The following C19orf47 variants were observed in gnomAD, a reference collection of about 807,000 sequenced individuals.
The protein encoded by C19orf47 is uncharacterized protein C19orf47.
C19orf47 carries 18 observed loss-of-function variants against 32.3 expected under a neutral mutation model. The ratio of observed to expected loss-of-function variants is 0.56; its 90% CI spans 0.39 to 0.83. C19orf47 has a LOEUF of 0.83. Ranked by LOEUF, C19orf47 falls within the 40% of genes least tolerant of loss-of-function variation. C19orf47 has a pLI of 0.00. For missense variants in C19orf47, 484 were observed against 531.6 expected, an observed-to-expected ratio of 0.91 and a Z score of 0.88; for synonymous variants, 202 against 211.1, an observed-to-expected ratio of 0.96 and a Z score of 0.37.
the C19orf47 span, among the ~76,000 whole-genome samples, chr19:40,297,041 A>G: frequency 6.6e-6 from 1 of 152,208 alleles, no homozygotes; most frequent in East Asian, 1.9e-4. Context: ...GTATGCCTAA[A>G]ACTGCTAGAA....
At chr19:40,313,243 T>A in the C19orf47 span, among the ~76,000 whole-genome samples, 1 of 152,250 alleles carries the variant, frequency 6.6e-6, no homozygotes, top group Non-Finnish European at 1.5e-5. Context: ...TTATTTCATA[T>A]CCTTTTAAGG....
At chr19:40,340,176 T>C (rs184365570) in intron 2 of C19orf47, among the ~76,000 whole-genome samples, 7 of 151,778 alleles carry the variant, frequency 4.6e-5, no homozygotes, top group Admixed American at 6.6e-5. Context: ...GGAACTATAA[T>C]GTACATGCAA....
chr19:40,297,969 G>A, the C19orf47 span, among the ~76,000 whole-genome samples: 1 of 151,626 alleles, frequency 6.6e-6, no homozygotes, highest in East Asian at 1.9e-4. Flanking sequence ...TGAACCCAGA[G>A]GCAGAGGCTG....
chr19:40,305,177 T>C, the C19orf47 span, among the ~76,000 whole-genome samples: 1 of 152,042 alleles, frequency 6.6e-6, no homozygotes, highest in South Asian at 2.1e-4. Context: ...ATCCCATTTC[T>C]ACCAAAAATA....
chr19:40,306,151 CAA>C, the C19orf47 span, among the ~76,000 whole-genome samples: 5 of 53,872 alleles, frequency 9.3e-5, no homozygotes, highest in East Asian at 2.4e-3. Context: ...AACTCTGTCT[CAA>C]AAAAAAAAAA....
intron 2 of C19orf47, among the ~76,000 whole-genome samples, chr19:40,337,661 T>C (rs558946444): frequency 6.6e-5 from 10 of 152,206 alleles, no homozygotes; most frequent in African/African-American, 1.7e-4. Flanking sequence ...TTTAAGACAA[T>C]AGAGACTCAG....
chr19:40,345,777 G>C (rs1194094316), intron 1 of C19orf47, among the ~76,000 whole-genome samples: 1 of 150,762 alleles, frequency 6.6e-6, no homozygotes, highest in African/African-American at 2.4e-5. Context: ...GGGGCGGGGG[G>C]GGGAGAGGTT....
intron 4 of C19orf47, among the ~76,000 whole-genome samples, chr19:40,335,254 G>A (rs1318555538): frequency 1.3e-5 from 2 of 152,200 alleles, no homozygotes; most frequent in Non-Finnish European, 2.9e-5. Context: ...ATCCAGGAAG[G>A]TGGGTCACTA....
At chr19:40,336,505 A>T in intron 2 of C19orf47, 98 bp from the exon 3 acceptor site, 1 of 1,074,682 alleles carries the variant, frequency 9.3e-7, no homozygotes, top group Non-Finnish European at 1.4e-6. Flanking sequence ...TTAAATGCTC[A>T]TCATATGCCA....
At chr19:40,333,036 T>C (rs1157939300) in intron 5 of C19orf47, among the ~76,000 whole-genome samples, 1 of 152,086 alleles carries the variant, frequency 6.6e-6, no homozygotes, top group African/African-American at 2.4e-5. Flanking sequence ...AGCAGGCAGA[T>C]CACTTGAAGT....
chr19:40,307,933 G>T, the C19orf47 span, among the ~76,000 whole-genome samples: 1 of 151,734 alleles, frequency 6.6e-6, no homozygotes, highest in Non-Finnish European at 1.5e-5. Flanking sequence ...AAGTAGCTGG[G>T]ATTACAGTCA....
chr19:40,317,386 T>TAAAA (rs1272059056), downstream of C19orf47, among the ~76,000 whole-genome samples: 39 of 151,962 alleles, frequency 2.6e-4, no homozygotes, highest in Admixed American at 2.6e-3. Flanking sequence ...TTGAGACTAG[T>TAAAA]AGTTTGAGAC....
chr19:40,318,416 C>T (rs993153105), downstream of C19orf47, among the ~76,000 whole-genome samples: 3 of 152,060 alleles, frequency 2.0e-5, no homozygotes, highest in Non-Finnish European at 4.4e-5. Flanking sequence ...CACAGCTAAA[C>T]CCTGTGTGGT....
upstream of C19orf47, chr19:40,348,524 G>T (rs966128992): frequency 3.2e-5 from 47 of 1,476,972 alleles, no homozygotes; most frequent in African/African-American, 4.7e-4. Context: ...TCACGTGACC[G>T]CCCACCGACA....
chr19:40,294,388 T>C, the C19orf47 span, among the ~76,000 whole-genome samples: 1 of 152,216 alleles, frequency 6.6e-6, no homozygotes, highest in Non-Finnish European at 1.5e-5. Flanking sequence ...GTGTGCGAAC[T>C]AGTTCTTGTA....
At chr19:40,315,326 T>C (rs1011139036), downstream of C19orf47, among the ~76,000 whole-genome samples, 11 of 152,192 alleles carry the variant, frequency 7.2e-5, no homozygotes, top group African/African-American at 2.7e-4. Context: ...CTCTGCACTA[T>C]CTTCTCAATT....
At chr19:40,341,261 G>T (rs1009803824) in intron 2 of C19orf47, among the ~76,000 whole-genome samples, 1 of 151,982 alleles carries the variant, frequency 6.6e-6, no homozygotes, top group Non-Finnish European at 1.5e-5. Flanking sequence ...TTGAACCCGG[G>T]AGGTGGAGGC....
rs2077737855 is a variant in C19orf47 at position 40,322,344 on chromosome 19, G to A, written c.696C>T (p.Thr232=). The change falls in exon 9 of 9, where the codon ACC becomes ACT. Residue 232 remains threonine (T), a synonymous_variant. Transcript: ENST00000683109. ...PTGVFSRLGA[T]PETDEDLAWD... The stretch of plus-strand genomic sequence containing the variant: ...AAGCCAGATCCTCGTCCGTTTCTGG[G>A]GTGGCCCCCAGGCGGCTGAAGACTC... 1 of 1,598,224 alleles carries A rather than the reference G, an allele frequency of 6.3e-7. No individual in the cohort carries two copies. The highest frequency in any genetic ancestry group is 8.5e-7 in the Non-Finnish European group (1 of 1,170,172).
At chr19:40,305,085 G>C in the C19orf47 span, among the ~76,000 whole-genome samples, 20 of 152,260 alleles carry the variant, frequency 1.3e-4, no homozygotes, top group South Asian at 3.9e-3. Context: ...GCTCATGCCT[G>C]TAATCCCAGC....
Sources: allele counts gnomAD v4.1 joint callset (sites outside exome capture counted in the v4.1 genomes callset), GRCh38; gene constraint gnomAD v4.1.1; transcripts MANE v1.5; gene names NCBI Gene and HGNC (gene_info 2026-07-23, HGNC 2026-07-21).